Variants in ARHGEF3 observed in about 807,000 individuals in gnomAD.
The protein encoded by ARHGEF3 is 59.8 kDA protein.
ARHGEF3 carries 28 observed loss-of-function variants against 63.2 expected under a neutral mutation model. The ratio of observed to expected loss-of-function variants is 0.44; its 90% CI spans 0.33 to 0.61. The LOEUF is 0.61. Ranked by LOEUF, ARHGEF3 falls within the 20% of genes least tolerant of loss-of-function variation. The pLI is 0.03. For missense variants in ARHGEF3, 533 were observed against 659.3 expected (o/e 0.81, Z 2.10); for synonymous variants, 266 against 254.2 (o/e 1.05, Z -0.44).
intron 4 of ARHGEF3, among the ~76,000 whole-genome samples, chr3:56,814,121 A>G (rs2108013555): frequency 6.6e-6 from 1 of 152,344 alleles, no homozygotes; most frequent in East Asian, 1.9e-4. Context: ...CCTTTACAGC[A>G]AAATTTTCTT....
chr3:56,972,240 C>T (rs1271503473), intron 2 of ARHGEF3, among the ~76,000 whole-genome samples: 1 of 152,086 alleles, frequency 6.6e-6, no homozygotes, highest in Non-Finnish European at 1.5e-5. Flanking sequence ...CTTTGGACAA[C>T]TTATACAACT....
chr3:56,979,220 A>C (rs984471162), intron 2 of ARHGEF3, among the ~76,000 whole-genome samples: 7 of 152,262 alleles, frequency 4.6e-5, no homozygotes, highest in African/African-American at 1.7e-4. Flanking sequence ...AGACTTACTT[A>C]TTCCACATTG....
intron 2 of ARHGEF3, among the ~76,000 whole-genome samples, chr3:57,016,378 C>G (rs1259528743): frequency 1.1e-5 from 1 of 92,790 alleles, no homozygotes; most frequent in Non-Finnish European, 2.2e-5. Context: ...CCTGTCTCTA[C>G]TAAAAATACA....
intron 4 of ARHGEF3, among the ~76,000 whole-genome samples, chr3:56,862,826 C>T (rs926052722): frequency 6.6e-6 from 1 of 152,156 alleles, no homozygotes; most frequent in South Asian, 2.1e-4. Context: ...CCTTAGCAAA[C>T]CTCCCCTAGC....
intron 2 of ARHGEF3, among the ~76,000 whole-genome samples, chr3:57,002,936 G>A (rs547336864): frequency 4.0e-5 from 6 of 151,406 alleles, no homozygotes; most frequent in Admixed American, 6.6e-5. Context: ...ACCACGCCCG[G>A]CTAATTTTTT....
At chr3:56,832,074 G>A (rs1410304212) in intron 4 of ARHGEF3, among the ~76,000 whole-genome samples, 1 of 147,734 alleles carries the variant, frequency 6.8e-6, no homozygotes, top group Non-Finnish European at 1.5e-5. Flanking sequence ...ACAAACTAGA[G>A]GGTCCAGGAT....
intron 2 of ARHGEF3, among the ~76,000 whole-genome samples, chr3:56,987,573 C>T (rs1022531526): frequency 6.6e-6 from 1 of 152,108 alleles, no homozygotes; most frequent in African/African-American, 2.4e-5. Context: ...CTGGGCATGC[C>T]CTTAGCTAAG....
At chr3:56,803,207 A>G (rs1336480726), upstream of ARHGEF3, among the ~76,000 whole-genome samples, 2 of 152,216 alleles carry the variant, frequency 1.3e-5, no homozygotes, top group Non-Finnish European at 2.9e-5. Flanking sequence ...TTAAGCTTAT[A>G]GCTCATGTTT....
intron 2 of ARHGEF3, among the ~76,000 whole-genome samples, chr3:57,021,743 C>T (rs1312656910): frequency 7.0e-6 from 1 of 143,042 alleles, no homozygotes; most frequent in Non-Finnish European, 1.5e-5. Context: ...CAGAGGAAGA[C>T]GCCATCTCAA....
chr3:57,014,092 G>A (rs111599673), intron 2 of ARHGEF3, among the ~76,000 whole-genome samples: 12 of 152,274 alleles, frequency 7.9e-5, no homozygotes, highest in African/African-American at 2.9e-4. Context: ...GAACCCGCCA[G>A]GAGGAACGAA....
At chr3:56,915,048 T>C (rs2108348764) in intron 3 of ARHGEF3, among the ~76,000 whole-genome samples, 1 of 152,262 alleles carries the variant, frequency 6.6e-6, no homozygotes, top group South Asian at 2.1e-4. Context: ...AAAAAATTAG[T>C]ATGTCTAGAA....
At chr3:57,057,148 GTT>G (rs1360576399) in intron 1 of ARHGEF3, among the ~76,000 whole-genome samples, 1 of 152,026 alleles carries the variant, frequency 6.6e-6, no homozygotes. Context: ...GTTTCACTTT[GTT>G]GCTCAGGCTG....
chr3:56,861,369 G>A (rs1435369918), intron 4 of ARHGEF3, among the ~76,000 whole-genome samples: 4 of 152,090 alleles, frequency 2.6e-5, no homozygotes, highest in Admixed American at 2.0e-4. Context: ...GGAAGGAACT[G>A]GAACCTAATC....
At chr3:56,846,827 T>C (rs2039507741) in intron 4 of ARHGEF3, among the ~76,000 whole-genome samples, 1 of 152,154 alleles carries the variant, frequency 6.6e-6, no homozygotes, top group Non-Finnish European at 1.5e-5. Context: ...ATGCTAAGAA[T>C]CACCCACAAG....
At chr3:56,849,638 A>G (rs1183749630) in intron 4 of ARHGEF3, among the ~76,000 whole-genome samples, 1 of 149,728 alleles carries the variant, frequency 6.7e-6, no homozygotes, top group Non-Finnish European at 1.5e-5. Flanking sequence ...TAGTAGCCCA[A>G]AATAGATGGT....
intron 2 of ARHGEF3, among the ~76,000 whole-genome samples, chr3:57,004,075 G>A (rs1316361091): frequency 6.6e-6 from 1 of 152,168 alleles, no homozygotes; most frequent in Non-Finnish European, 1.5e-5. Context: ...CCAGAGGGAG[G>A]CAGAGAAGCT....
At chr3:56,884,245 T>C (rs1264193676) in intron 3 of ARHGEF3, among the ~76,000 whole-genome samples, 4 of 152,064 alleles carry the variant, frequency 2.6e-5, no homozygotes, top group South Asian at 2.1e-4. Flanking sequence ...TAGAGCTTAG[T>C]AGAGTGCCTA....
intron 4 of ARHGEF3, among the ~76,000 whole-genome samples, chr3:56,836,612 A>G (rs1197115033): frequency 1.3e-5 from 2 of 149,456 alleles, no homozygotes; most frequent in African/African-American, 4.9e-5. Context: ...GATTTTATAC[A>G]ACAATCAGAC....
chr3:56,912,044 T>C (rs550956939), intron 3 of ARHGEF3, among the ~76,000 whole-genome samples: 1 of 152,180 alleles, frequency 6.6e-6, no homozygotes, highest in East Asian at 1.9e-4. Flanking sequence ...GCCAATTACA[T>C]TTTGAGTTCT....
Sources: allele counts gnomAD v4.1 joint callset (sites outside exome capture counted in the v4.1 genomes callset), GRCh38; gene constraint gnomAD v4.1.1; transcripts MANE v1.5; gene names NCBI Gene and HGNC (gene_info 2026-07-23, HGNC 2026-07-21).